DIP2B: variants seen among roughly 807,000 people sequenced by gnomAD.
DIP2B encodes DIP2 acetate--CoA ligase B (putative), also known as disco-interacting protein 2 homolog B.
Under a neutral mutation model 198.0 loss-of-function variants are expected in DIP2B, and 76 were observed. That is an observed-to-expected ratio of 0.38 (90% CI 0.32 to 0.46). The LOEUF (loss-of-function observed/expected upper bound fraction) is 0.46. Ranked by LOEUF, DIP2B falls within the 20% of genes least tolerant of loss-of-function variation. The probability of loss-of-function intolerance (pLI) is 0.99; values close to 1 mark genes in which losing one functional copy is unlikely to be tolerated. For synonymous variants in DIP2B, 701 were observed against 739.1 expected, an observed-to-expected ratio of 0.95 and a Z score of 0.84; for missense variants, 1,559 against 1,978.4, an observed-to-expected ratio of 0.79 and a Z score of 4.02.
At chr12:50,562,381 A>G (rs927694645) in intron 1 of DIP2B, among the ~76,000 whole-genome samples, 6 of 152,104 alleles carry the variant, frequency 3.9e-5, no homozygotes, top group African/African-American at 1.2e-4. Context: ...GGGCTTTCCT[A>G]TCTTATTTCA....
At chr12:50,644,466 A>AC (rs1822720093) in intron 3 of DIP2B, among the ~76,000 whole-genome samples, 1 of 152,190 alleles carries the variant, frequency 6.6e-6, no homozygotes, top group Non-Finnish European at 1.5e-5. Context: ...GGAAAATGAT[A>AC]CCCAGCTTCC....
intron 1 of DIP2B, among the ~76,000 whole-genome samples, chr12:50,576,866 T>C (rs184617155): frequency 1.3e-4 from 19 of 151,192 alleles, no homozygotes; most frequent in Admixed American, 1.2e-3. Context: ...TCCCTTGTTA[T>C]TATTATTTTT....
At chr12:50,587,711 C>A (rs534412459) in intron 1 of DIP2B, among the ~76,000 whole-genome samples, 1 of 152,120 alleles carries the variant, frequency 6.6e-6, no homozygotes, top group Non-Finnish European at 1.5e-5. Flanking sequence ...AATATTTTAA[C>A]CTTTTACAAT....
Position 50,505,069 on chromosome 12 carries a change from G to T in DIP2B, c.-72G>T, listed in dbSNP as rs1278287948. The T allele has an allele frequency of 4.9e-6, 7 of 1,423,154 alleles. No homozygotes were observed. The highest frequency in any genetic ancestry group is 1.9e-6 in the Non-Finnish European group (2 of 1,052,594). The allele number at this position is 1,423,154 out of a possible 1,614,324, so 88.2% of individuals were successfully genotyped here. On this transcript the variant is annotated 5_prime_UTR_variant, in exon 1 of 38. Transcript: ENST00000301180. ...CCGGAGCCGGATCCTGTAGCCGGGT[G>T]TGGGCCCGTGTCTGTCCGTCCCTCC...
At chr12:50,517,414 C>A (rs1392754321) in intron 1 of DIP2B, among the ~76,000 whole-genome samples, 1 of 152,020 alleles carries the variant, frequency 6.6e-6, no homozygotes, top group African/African-American at 2.4e-5. Flanking sequence ...GTTGTTTCTA[C>A]TTCCTGTTCT....
intron 3 of DIP2B, among the ~76,000 whole-genome samples, chr12:50,659,585 G>A (rs1334367064): frequency 6.6e-6 from 1 of 151,912 alleles, no homozygotes; most frequent in Non-Finnish European, 1.5e-5. Flanking sequence ...GTTTTGTTTG[G>A]ATGTGTTAAT....
At chr12:50,712,556 A>G (rs927019013) in intron 22 of DIP2B, among the ~76,000 whole-genome samples, 1 of 151,478 alleles carries the variant, frequency 6.6e-6, no homozygotes, top group African/African-American at 2.4e-5. Context: ...GTGACCCGAG[A>G]TTGCGCCACT....
intron 3 of DIP2B, among the ~76,000 whole-genome samples, chr12:50,642,524 A>C (rs1938274380): frequency 6.6e-6 from 1 of 152,194 alleles, no homozygotes; most frequent in Non-Finnish European, 1.5e-5. Flanking sequence ...GGTGGCTCAC[A>C]CCTGTAATCC....
intron 1 of DIP2B, among the ~76,000 whole-genome samples, chr12:50,618,475 G>GTC (rs1475807717): frequency 6.6e-6 from 1 of 152,180 alleles, no homozygotes; most frequent in East Asian, 1.9e-4. Context: ...CACCCTCAGT[G>GTC]TCTCTCTCTC....
rs1006771450 is a variant in DIP2B at position 50,505,157 on chromosome 12, T to G, written c.17T>G (p.Leu6Arg). ...GGAGCTGGGATGGCGGAACGAGGCC[T>G]GGAGCCGTCGCCGGCCGCGGTGGCG... MAERGLEPSPAAVAAL... is the reference protein window; with the variant it reads MAERGREPSPAAVAAL... The change falls in exon 1 of 38, where the codon CTG (leucine) becomes CGG (arginine). Residue 6 changes from leucine (L) to arginine (R), a missense_variant. Transcript: ENST00000301180. 1 of 1,528,032 alleles carries G rather than the reference T, an allele frequency of 6.5e-7. No individual in the cohort carries two copies. Among genetic ancestry groups the G allele is most frequent in the Admixed American group, 2.0e-5 (1 of 50,616 alleles). 94.7% of individuals were successfully genotyped at this position (1,528,032 alleles called of 1,614,324 possible). A position where few individuals can be genotyped will look rare whatever the true frequency, so the allele number is the denominator to read the frequency against.
At chr12:50,686,906 T>A (rs1355676661) in intron 12 of DIP2B, 1 of 400,028 alleles carries the variant, frequency 2.5e-6, no homozygotes, top group Non-Finnish European at 4.4e-6. Flanking sequence ...AAAAAAAGGA[T>A]TCTTCATGTA....
At chr12:50,622,586 A>T (rs1937835229) in intron 1 of DIP2B, among the ~76,000 whole-genome samples, 1 of 152,212 alleles carries the variant, frequency 6.6e-6, no homozygotes, top group Non-Finnish European at 1.5e-5. Flanking sequence ...CACAGAAAAA[A>T]ATTTTACATG....
intron 3 of DIP2B, among the ~76,000 whole-genome samples, chr12:50,641,331 T>A (rs961817469): frequency 7.9e-5 from 12 of 152,312 alleles, no homozygotes; most frequent in African/African-American, 2.6e-4. Flanking sequence ...CACTCCAGCC[T>A]GGGCAACAGT....
chr12:50,637,702 A>G (rs1456520848), intron 2 of DIP2B, among the ~76,000 whole-genome samples: 1 of 152,198 alleles, frequency 6.6e-6, no homozygotes, highest in Non-Finnish European at 1.5e-5. Flanking sequence ...CACCTCCCAG[A>G]AGTTGAACTA....
At chr12:50,567,400 A>G (rs1958575243) in intron 1 of DIP2B, among the ~76,000 whole-genome samples, 1 of 152,238 alleles carries the variant, frequency 6.6e-6, no homozygotes, top group South Asian at 2.1e-4. Context: ...AACTACTGCC[A>G]CAAACTACAG....
At chr12:50,518,807 T>G (rs1021658365) in intron 1 of DIP2B, among the ~76,000 whole-genome samples, 1 of 152,178 alleles carries the variant, frequency 6.6e-6, no homozygotes, top group Admixed American at 6.5e-5. Context: ...TAAGCTAGAG[T>G]GCTGTGGCAT....
chr12:50,552,872 A>AT (rs1342405458), intron 1 of DIP2B, among the ~76,000 whole-genome samples: 1 of 151,392 alleles, frequency 6.6e-6, no homozygotes, highest in African/African-American at 2.4e-5. Context: ...TTATTTATTT[A>AT]TTTTTTCCCA....
intron 1 of DIP2B, among the ~76,000 whole-genome samples, chr12:50,526,967 C>A (rs1247437661): frequency 6.6e-6 from 1 of 152,040 alleles, no homozygotes; most frequent in Non-Finnish European, 1.5e-5. Context: ...AATGTAATAT[C>A]CGTAGGATCT....
At chr12:50,577,089 C>T (rs1593623394) in intron 1 of DIP2B, among the ~76,000 whole-genome samples, 1 of 152,166 alleles carries the variant, frequency 6.6e-6, no homozygotes, top group East Asian at 1.9e-4. Flanking sequence ...CAGGCGTGAG[C>T]CACCATGCCC....
Sources: gnomAD v4.1 joint callset for allele counts (sites outside exome capture counted in the v4.1 genomes callset) on GRCh38, gnomAD v4.1.1 for gene constraint, MANE v1.5 for transcripts, NCBI Gene and HGNC (gene_info 2026-07-23, HGNC 2026-07-21) for gene names.